The following FAM227B variants were observed in gnomAD, a reference collection of about 807,000 sequenced individuals.
FAM227B encodes family with sequence similarity 227 member B.
A neutral mutation model predicts 73.8 loss-of-function variants in FAM227B; 88 were observed. That is an observed-to-expected ratio of 1.19 (90% CI 1.00 to 1.42). The LOEUF (loss-of-function observed/expected upper bound fraction) is 1.42. Among genes scored for constraint, FAM227B ranks in the 40% most tolerant of loss-of-function variants. The probability of loss-of-function intolerance (pLI) is 0.00; values close to 1 mark genes in which losing one functional copy is unlikely to be tolerated. For missense variants in FAM227B, 632 were observed against 590.9 expected, an observed-to-expected ratio of 1.07 and a Z score of -0.72; for synonymous variants, 210 against 190.5, an observed-to-expected ratio of 1.10 and a Z score of -0.84.
intron 13 of FAM227B, among the ~76,000 whole-genome samples, chr15:49,360,716 C>T (rs10851476): frequency 0.42 from 63,772 of 151,910 alleles, 13,527 homozygotes; most frequent in African/African-American, 0.45. Flanking sequence ...TATCAAGTGA[C>T]CAAGTTTTTA....
intron 5 of FAM227B, among the ~76,000 whole-genome samples, chr15:49,585,939 A>T (rs943501270): frequency 6.6e-6 from 1 of 152,232 alleles, no homozygotes; most frequent in African/African-American, 2.4e-5. Context: ...TATCGTTAAA[A>T]TGACCATAAC....
chr15:49,488,176 A>G (rs1345508054), intron 11 of FAM227B: 3 of 151,966 alleles, frequency 2.0e-5, no homozygotes, highest in Admixed American at 6.6e-5. Context: ...GAAAATATCT[A>G]TTAACTGGTC....
chr15:49,534,215 T>C (rs942246135), intron 10 of FAM227B, among the ~76,000 whole-genome samples: 1 of 151,730 alleles, frequency 6.6e-6, no homozygotes, highest in Non-Finnish European at 1.5e-5. Context: ...CCTCTGCAGG[T>C]AGAGCCCAAA....
At chr15:49,512,711 C>A (rs191224707) in intron 10 of FAM227B, among the ~76,000 whole-genome samples, 4 of 152,102 alleles carry the variant, frequency 2.6e-5, no homozygotes. Context: ...GCCCTGCATG[C>A]ATTAGCTATT....
At chr15:49,423,147 C>T (rs2049831735) in intron 11 of FAM227B, 1 of 156,854 alleles carries the variant, frequency 6.4e-6, no homozygotes, top group Admixed American at 6.3e-5. Context: ...TTTATTCTCG[C>T]TGTTGTATTC....
chr15:49,539,195 C>T (rs2070707947), intron 10 of FAM227B, among the ~76,000 whole-genome samples: 1 of 152,128 alleles, frequency 6.6e-6, no homozygotes, highest in African/African-American at 2.4e-5. Context: ...GCAGCTCTGT[C>T]AGATGAGGTC....
At chr15:49,367,297 CA>C in intron 13 of FAM227B, 150 bp downstream of exon 13, 1 of 641,814 alleles carries the variant, frequency 1.6e-6, no homozygotes, top group South Asian at 4.2e-5. Context: ...AACATACTAC[CA>C]AAGTTTTAAG....
In FAM227B at chr15:49,396,763, C is replaced by A. The variant is rs2047693528; in HGVS notation, c.1013-25364G>T. On this transcript the variant is annotated intron_variant, in intron 11 of 15. Transcript: ENST00000299338. ...CTGACACCTCACACGGCAGGGTACT[C>A]CAACAGACCTGCGGCTGAGGGTCCT... Among the ~76,000 whole-genome samples, 3 of 146,718 alleles carry A rather than the reference C, an allele frequency of 2.0e-5. No homozygotes were observed. In the South Asian group the frequency reaches 6.5e-4, roughly 32 times the overall value.
chr15:49,571,533 G>A (rs1264783370), intron 8 of FAM227B, among the ~76,000 whole-genome samples: 1 of 151,806 alleles, frequency 6.6e-6, no homozygotes, highest in Non-Finnish European at 1.5e-5. Flanking sequence ...TATATTATGT[G>A]AAATAAGGGT....
intron 10 of FAM227B, among the ~76,000 whole-genome samples, chr15:49,523,410 T>C (rs545918199): frequency 2.2e-4 from 34 of 152,226 alleles, no homozygotes; most frequent in Non-Finnish European, 4.6e-4. Context: ...CCTGCTGCCA[T>C]CCATGTAAGA....
At chr15:49,525,050 A>T (rs1220733027) in intron 10 of FAM227B, among the ~76,000 whole-genome samples, 1 of 152,112 alleles carries the variant, frequency 6.6e-6, no homozygotes, top group Non-Finnish European at 1.5e-5. Flanking sequence ...TGCTGAAATG[A>T]GTTAAGACTT....
intron 11 of FAM227B, among the ~76,000 whole-genome samples, chr15:49,394,456 T>C (rs1374672153): frequency 6.6e-6 from 1 of 152,064 alleles, no homozygotes; most frequent in East Asian, 1.9e-4. Flanking sequence ...AAGGTGGAAG[T>C]AGTTGTCTAG....
intron 11 of FAM227B, among the ~76,000 whole-genome samples, chr15:49,478,749 T>C (rs2055605632): frequency 6.6e-6 from 1 of 152,138 alleles, no homozygotes; most frequent in Non-Finnish European, 1.5e-5. Context: ...AATATAAAGC[T>C]TTAAATGTTT....
At chr15:49,331,723 T>A in intron 15 of FAM227B, 57 bp downstream of exon 15, 1 of 1,055,838 alleles carries the variant, frequency 9.5e-7, no homozygotes. Context: ...TATTGTCCAG[T>A]CTATATAAAA....
intron 9 of FAM227B, among the ~76,000 whole-genome samples, chr15:49,552,970 T>C (rs898953557): frequency 6.6e-6 from 1 of 152,342 alleles, no homozygotes; most frequent in African/African-American, 2.4e-5. Context: ...TGGTCCCTGG[T>C]GCCTTATTTA....
At chr15:49,456,640 A>G (rs1476327782) in intron 11 of FAM227B, among the ~76,000 whole-genome samples, 3 of 152,250 alleles carry the variant, frequency 2.0e-5, no homozygotes, top group African/African-American at 4.8e-5. Context: ...CATAGTAACT[A>G]CAAAATAAGG....
intron 11 of FAM227B, among the ~76,000 whole-genome samples, chr15:49,467,445 A>T (rs1419610299): frequency 6.6e-6 from 1 of 151,964 alleles, no homozygotes; most frequent in Non-Finnish European, 1.5e-5. Flanking sequence ...TGTATTTTGA[A>T]ACTTACCTCT....
intron 13 of FAM227B, among the ~76,000 whole-genome samples, chr15:49,348,362 A>G (rs1329445894): frequency 6.6e-6 from 1 of 152,156 alleles, no homozygotes; most frequent in Non-Finnish European, 1.5e-5. Flanking sequence ...AACTTAATTG[A>G]ATATCTAAGT....
chr15:49,424,743 A>T (rs1213597800), intron 11 of FAM227B: 4 of 535,626 alleles, frequency 7.5e-6, no homozygotes, highest in Non-Finnish European at 1.3e-5. Context: ...TATGCCCCTA[A>T]AAATATCTCT....
Sources: allele counts gnomAD v4.1 joint callset (sites outside exome capture counted in the v4.1 genomes callset), GRCh38; gene constraint gnomAD v4.1.1; transcripts MANE v1.5; gene names NCBI Gene and HGNC (gene_info 2026-07-23, HGNC 2026-07-21).